The following NPIPB2 variants were observed in gnomAD, a reference collection of about 807,000 sequenced individuals.
NPIPB2 encodes nuclear pore complex interacting protein family member B2, also known as nuclear pore complex-interacting protein family member B2.
A neutral mutation model predicts 30.8 loss-of-function variants in NPIPB2; 27 were observed. The ratio of observed to expected loss-of-function variants is 0.88; its 90% CI spans 0.65 to 1.21. The LOEUF is 1.21. NPIPB2 is among the 50% of genes most tolerant of loss of function. The pLI is 0.00. For synonymous variants in NPIPB2, 147 were observed against 162.0 expected (o/e 0.91, Z 0.70); for missense variants, 440 against 446.2 (o/e 0.99, Z 0.13).
intron 1 of NPIPB2, among the ~76,000 whole-genome samples, chr16:11,940,758 TAAAAAAAAAAAAA>T (rs1205186064): frequency 2.1e-5 from 1 of 47,164 alleles, no homozygotes; most frequent in African/African-American, 7.8e-5. Flanking sequence ...AGACTCTGTC[TAAAAAAAAAAAAA>T]AAAAAAAAAA....
intron 1 of NPIPB2, among the ~76,000 whole-genome samples, chr16:11,971,000 T>C (rs1025327664): frequency 1.3e-5 from 2 of 151,952 alleles, no homozygotes; most frequent in Non-Finnish European, 2.9e-5. Flanking sequence ...ACTACAGGCA[T>C]GTACCACCAT....
At chr16:11,941,791 T>C (rs1464987922) in intron 1 of NPIPB2, 192 bp downstream of exon 1, 19 of 1,283,068 alleles carry the variant, frequency 1.5e-5, no homozygotes, top group South Asian at 3.8e-5. Context: ...CATCTCAGTC[T>C]CCCACTCTCC....
chr16:11,937,881 G>A (rs2054889083), intron 1 of NPIPB2, among the ~76,000 whole-genome samples: 1 of 152,088 alleles, frequency 6.6e-6, no homozygotes, highest in Non-Finnish European at 1.5e-5. Context: ...TTGCAAATGT[G>A]GGGTGTTGTC....
chr16:11,963,503 G>C (rs1034142720), intron 1 of NPIPB2, among the ~76,000 whole-genome samples: 15 of 151,872 alleles, frequency 9.9e-5, no homozygotes, highest in African/African-American at 3.1e-4. Flanking sequence ...TAAAGAATAA[G>C]AAAAATACAA....
intron 1 of NPIPB2, among the ~76,000 whole-genome samples, chr16:11,969,417 T>C (rs773404104): frequency 3.3e-5 from 5 of 151,770 alleles, no homozygotes; most frequent in Admixed American, 6.6e-5. Flanking sequence ...CCACTGCGCC[T>C]GGCTAATTTT....
rs138092621 is a variant in NPIPB2 at position 11,972,134 on chromosome 16, C to A, written c.-584+4434G>T. On this transcript the variant is annotated intron_variant, in intron 1 of 5. Coordinates refer to the NPIPB2 transcript ENST00000538896. Reference sequence around the variant, plus strand: ...GCACTCCACAGCCCAGGCGACAATGCGAGACTCTGTCTCAAAAAAACAAAA... The same window carrying A: ...GCACTCCACAGCCCAGGCGACAATGAGAGACTCTGTCTCAAAAAAACAAAA... Among the ~76,000 whole-genome samples the A allele has an allele frequency of 1.3e-4, 19 of 151,160 alleles. No homozygotes were observed. In the East Asian group the frequency reaches 3.4e-3, roughly 27 times the overall value.
chr16:11,946,089 GGAAA>G (rs1323165128), upstream of NPIPB2, among the ~76,000 whole-genome samples: 1 of 151,588 alleles, frequency 6.6e-6, no homozygotes, highest in Non-Finnish European at 1.5e-5. Context: ...AAGGAAGGAA[GGAAA>G]GAACCCAGAG....
At chr16:11,952,866 C>T (rs866411936) in intron 1 of NPIPB2, among the ~76,000 whole-genome samples, 1 of 152,014 alleles carries the variant, frequency 6.6e-6, no homozygotes, top group Middle Eastern at 3.4e-3. Flanking sequence ...GTGCCTGGCC[C>T]TTATCGCCAT....
intron 1 of NPIPB2, among the ~76,000 whole-genome samples, chr16:11,974,271 A>G (rs2055253766): frequency 6.6e-6 from 1 of 152,188 alleles, no homozygotes; most frequent in African/African-American, 2.4e-5. Flanking sequence ...TAATCCCAGC[A>G]CTTTGGGAGG....
intron 1 of NPIPB2, among the ~76,000 whole-genome samples, chr16:11,958,905 G>C (rs2055134717): frequency 6.6e-6 from 1 of 152,324 alleles, no homozygotes; most frequent in Non-Finnish European, 1.5e-5. Context: ...GGGAGGTGAA[G>C]ATCTGGGAGT....
chr16:11,953,779 G>T (rs1003116111), intron 1 of NPIPB2, among the ~76,000 whole-genome samples: 1 of 138,774 alleles, frequency 7.2e-6, no homozygotes, highest in Non-Finnish European at 1.5e-5. Flanking sequence ...GCAGTGGCAC[G>T]ATTCTCCTGC....
At chr16:11,944,233 G>A (rs1440026676), upstream of NPIPB2, among the ~76,000 whole-genome samples, 7 of 149,596 alleles carry the variant, frequency 4.7e-5, no homozygotes, top group South Asian at 2.1e-4. Flanking sequence ...GCACTATTGC[G>A]GTCTCGGCTC....
At chr16:11,970,547 T>G (rs1351191942) in intron 1 of NPIPB2, among the ~76,000 whole-genome samples, 3 of 151,838 alleles carry the variant, frequency 2.0e-5, no homozygotes, top group Non-Finnish European at 2.9e-5. Flanking sequence ...TTTTTTTCTT[T>G]CTTTTGAGAC....
At chr16:11,933,034 G>A (rs1319147489) in intron 4 of NPIPB2, among the ~76,000 whole-genome samples, 4 of 151,568 alleles carry the variant, frequency 2.6e-5, no homozygotes, top group Non-Finnish European at 2.9e-5. Context: ...GCTGAGGCAG[G>A]TGGATTACCT....
rs1388846229 is a variant in NPIPB2 at position 11,947,135 on chromosome 16, GT to G, written c.-583-5022del. Among the ~76,000 whole-genome samples, 3 of 140,002 alleles carry G rather than the reference GT, an allele frequency of 2.1e-5. No homozygotes were observed. The East Asian group carries it at 6.2e-4, about 29-fold the overall frequency. The allele number at this position is 140,002 out of a possible 152,430, so 91.8% of individuals were successfully genotyped here. ...ATATTTTAATTAAACAATTTTTTTT[GT>G]TCTGATGGAGTCTCACTATGATGCT... On this transcript the variant is annotated intron_variant, in intron 1 of 5. Transcript: ENST00000538896.
chr16:11,941,568 G>C (rs1297942355), intron 1 of NPIPB2, among the ~76,000 whole-genome samples: 1 of 150,424 alleles, frequency 6.6e-6, no homozygotes, highest in African/African-American at 2.5e-5. Flanking sequence ...AGGACACGCG[G>C]GGCAAGGGAG....
chr16:11,973,023 G>A (rs761048247), intron 1 of NPIPB2, among the ~76,000 whole-genome samples: 38 of 152,070 alleles, frequency 2.5e-4, no homozygotes, highest in Middle Eastern at 3.4e-3. Context: ...AGCCGGGCGC[G>A]GTGGCACATG....
chr16:11,935,447 G>T (rs1383842849), intron 2 of NPIPB2, among the ~76,000 whole-genome samples: 1 of 152,042 alleles, frequency 6.6e-6, no homozygotes, highest in Non-Finnish European at 1.5e-5. Flanking sequence ...CCAAGTAGCT[G>T]GGATTACAGG....
At chr16:11,970,449 G>A (rs1437849719) in intron 1 of NPIPB2, among the ~76,000 whole-genome samples, 1 of 152,028 alleles carries the variant, frequency 6.6e-6, no homozygotes, top group Non-Finnish European at 1.5e-5. Flanking sequence ...CTGACCTCAG[G>A]TGATCCACCC....
Sources: gnomAD v4.1 joint callset for allele counts (sites outside exome capture counted in the v4.1 genomes callset) on GRCh38, gnomAD v4.1.1 for gene constraint, MANE v1.5 for transcripts, NCBI Gene and HGNC (gene_info 2026-07-23, HGNC 2026-07-21) for gene names.